Variants in GRK7 observed in about 807,000 individuals in gnomAD.
GRK7 encodes the protein rhodopsin kinase GRK7.
A neutral mutation model predicts 34.1 loss-of-function variants in GRK7; 24 were observed. The observed-to-expected ratio is 0.70, with a 90% CI of 0.51 to 0.99. The LOEUF (loss-of-function observed/expected upper bound fraction) is 0.99, where lower values mean the gene tolerates loss of function less well. Among genes scored for constraint, GRK7 ranks in the 50% least tolerant of loss-of-function variants. The probability of loss-of-function intolerance (pLI) is 0.00; values close to 1 mark genes in which losing one functional copy is unlikely to be tolerated. For synonymous variants in GRK7, 256 were observed against 279.4 expected (o/e 0.92, Z 0.84); for missense variants, 644 against 707.3 (o/e 0.91, Z 1.02).
At chr3:141,781,421 C>G (rs1454470062) in intron 4 of GRK7, among the ~76,000 whole-genome samples, 1 of 151,654 alleles carries the variant, frequency 6.6e-6, no homozygotes, top group African/African-American at 2.4e-5. Context: ...CCTGTAATCC[C>G]AGCTACTCGG....
Position 141,763,489 on chromosome 3 carries a change from C to T in GRK7, c.-2464C>T, listed in dbSNP as rs1032626410. ...AGATCAGCCCAACCCTCTGCCAGCT[C>T]CACCTTCACAGACGAGGAACCAGGG... On this transcript the variant is annotated 5_prime_UTR_variant, in exon 1 of 6. Transcript: ENST00000682958. 1.3e-5 allele frequency among the ~76,000 whole-genome samples: 2 copies of T among 152,204 alleles called. No individual in the cohort carries two copies. Among genetic ancestry groups the T allele is most frequent in the Admixed American group, 1.3e-4 (2 of 15,270 alleles).
At position 141,778,608 on chromosome 3, in the gene GRK7, G is replaced by A; in HGVS notation, c.324G>A (p.Gly108=). 10 of 1,612,464 alleles carry A rather than the reference G, an allele frequency of 6.2e-6. No homozygotes were observed. The highest frequency in any genetic ancestry group is 1.1e-5 in the South Asian group (1 of 90,982). The change falls in exon 3 of 6, where the codon GGG becomes GGA. Residue 108 remains glycine (G), a synonymous_variant. Transcript: ENST00000682958. This position sits in a 1 kb window ranked among gnomAD's most constrained non-coding sequence, Gnocchi z 4.1. ...EGPTKDSALQ[G]LVATCASAPA... ...CCACCAAAGACAGCGCGCTGCAGGG[G>A]CTGGTGGCCACTTGTGCGAGTGCCC...
intron 1 of GRK7, among the ~76,000 whole-genome samples, chr3:141,772,459 C>G (rs2084621190): frequency 6.6e-6 from 1 of 152,190 alleles, no homozygotes; most frequent in South Asian, 2.1e-4. Context: ...AATAGCTTCT[C>G]TGTGTTTCTA....
At chr3:141,762,836 G>A (rs1040240387), upstream of GRK7, among the ~76,000 whole-genome samples, 10 of 152,368 alleles carry the variant, frequency 6.6e-5, no homozygotes, top group South Asian at 1.0e-3. Context: ...GTGGTGTGCC[G>A]TTCTTTAAGC....
chr3:141,797,149 T>C (rs1181067398), intron 4 of GRK7, among the ~76,000 whole-genome samples: 1 of 152,230 alleles, frequency 6.6e-6, no homozygotes, highest in Non-Finnish European at 1.5e-5. Flanking sequence ...ACCCCTCTTT[T>C]GGGCTCCCTG....
chr3:141,811,274 C>T lies in GRK7; in HGVS notation c.1325+3355C>T, dbSNP rs58865187. Among the ~76,000 whole-genome samples the T allele has an allele frequency of 4.3e-3, 645 of 151,670 alleles. 4 individuals carry two copies. Among genetic ancestry groups the T allele is most frequent in the African/African-American group, 0.015 (620 of 41,318 alleles). On this transcript the variant is annotated intron_variant, in intron 5 of 5. Coordinates refer to ENST00000682958, the MANE Select transcript of GRK7 (RefSeq NM_139209.3). Reference sequence around the variant, plus strand: ...CGGAGGTTGAAGTGAGCCAAGATCGCGCCACTGCACTCCAGCCTGGGCAAT... The same window carrying T: ...CGGAGGTTGAAGTGAGCCAAGATCGTGCCACTGCACTCCAGCCTGGGCAAT...
intron 4 of GRK7, among the ~76,000 whole-genome samples, chr3:141,792,723 C>G (rs753626391): frequency 1.3e-5 from 2 of 152,182 alleles, no homozygotes; most frequent in Non-Finnish European, 2.9e-5. Context: ...TTCTGGCATA[C>G]AACTCCAAAT....
At chr3:141,755,526 G>T in the GRK7 span, among the ~76,000 whole-genome samples, 1 of 152,312 alleles carries the variant, frequency 6.6e-6, no homozygotes, top group East Asian at 1.9e-4. Context: ...TTGGGCAAAA[G>T]AATTGAAAAG....
chr3:141,796,070 T>C (rs1051329848), intron 4 of GRK7, among the ~76,000 whole-genome samples: 1 of 152,182 alleles, frequency 6.6e-6, no homozygotes, highest in Non-Finnish European at 1.5e-5. Context: ...TGATGAAATA[T>C]AGTCCTGCAG....
At chr3:141,787,032 C>T (rs975774445) in intron 4 of GRK7, among the ~76,000 whole-genome samples, 26 of 152,130 alleles carry the variant, frequency 1.7e-4, no homozygotes, top group Admixed American at 1.3e-4. Flanking sequence ...CAGGGGCCTC[C>T]TTTCTACAGC....
intron 5 of GRK7, among the ~76,000 whole-genome samples, chr3:141,808,730 G>GT (rs1432051875): frequency 6.6e-6 from 1 of 151,638 alleles, no homozygotes; most frequent in Non-Finnish European, 1.5e-5. Context: ...AAGAAAGAAA[G>GT]TAAGTAGAAC....
At position 141,816,756 on chromosome 3, in the gene GRK7, G is replaced by A. The variant is rs762291728; in HGVS notation, c.1368G>A (p.Thr456=). ...DDPRKHHFFK[T]INFPRLEAGL... ...CCAGGAAACATCATTTCTTTAAAACGATCAACTTTCCTCGCCTGGAAGCTG... is the reference window on the plus strand; with the variant it reads ...CCAGGAAACATCATTTCTTTAAAACAATCAACTTTCCTCGCCTGGAAGCTG... Residue 456 remains threonine (T), a synonymous_variant, in exon 6 of 6, where the codon ACG becomes ACA. Coordinates refer to ENST00000682958, the MANE Select transcript of GRK7 (RefSeq NM_139209.3). 28 of 1,557,656 alleles carry A rather than the reference G, an allele frequency of 1.8e-5. No homozygotes were observed. Among genetic ancestry groups the A allele is most frequent in the East Asian group, 9.0e-5 (4 of 44,370 alleles).
chr3:141,774,548 C>T (rs995650490), intron 1 of GRK7, among the ~76,000 whole-genome samples, 32 bp from the exon 2 acceptor site: 9 of 152,116 alleles, frequency 5.9e-5, no homozygotes, highest in Non-Finnish European at 1.3e-4. Flanking sequence ...GCTTAAATAT[C>T]TCTGTGATAT....
At chr3:141,801,030 G>C (rs940633727) in intron 4 of GRK7, among the ~76,000 whole-genome samples, 2 of 152,122 alleles carry the variant, frequency 1.3e-5, no homozygotes, top group Non-Finnish European at 2.9e-5. Flanking sequence ...AAATGCATGG[G>C]CCGGGTGCAG....
In GRK7 at chr3:141,780,522, T is replaced by G; in HGVS notation, c.761T>G (p.Leu254Arg). The change falls in exon 4 of 6, where the codon CTG becomes CGG. Residue 254 changes from leucine to arginine, a missense_variant. Transcript: ENST00000682958. ...GTCAGCAGCCCTTTCATTGTCTCTCTGGCCTATGCCTTTGAGAGCAAGACC... is the reference window on the plus strand; with the variant it reads ...GTCAGCAGCCCTTTCATTGTCTCTCGGGCCTATGCCTTTGAGAGCAAGACC... The part of the protein sequence containing the change: ...EKVSSPFIVS[L>R]AYAFESKTHL... 1 of 1,614,266 alleles carries G rather than the reference T, an allele frequency of 6.2e-7. No homozygotes were observed. Among genetic ancestry groups the G allele is most frequent in the Non-Finnish European group, 8.5e-7 (1 of 1,180,050 alleles).
At chr3:141,790,989 G>A (rs2084721502) in intron 4 of GRK7, among the ~76,000 whole-genome samples, 1 of 152,208 alleles carries the variant, frequency 6.6e-6, no homozygotes, top group East Asian at 1.9e-4. Flanking sequence ...GAATATTGGG[G>A]AGTGAGGATC....
chr3:141,753,673 A>G, the GRK7 span, among the ~76,000 whole-genome samples: 1 of 152,216 alleles, frequency 6.6e-6, no homozygotes, highest in African/African-American at 2.4e-5. Flanking sequence ...GTACTAGTCC[A>G]TGGCCCAGGC....
chr3:141,770,117 G>A (rs528173765), intron 1 of GRK7, among the ~76,000 whole-genome samples: 9 of 152,256 alleles, frequency 5.9e-5, no homozygotes, highest in Admixed American at 2.0e-4. Context: ...GTTTCACCAC[G>A]TTGGCCAGGC....
chr3:141,800,228 C>T (rs988296446), intron 4 of GRK7, among the ~76,000 whole-genome samples: 1 of 152,000 alleles, frequency 6.6e-6, no homozygotes. Flanking sequence ...CAAATGAGAG[C>T]AAGCAGGCTG....
Sources: gnomAD v4.1 joint callset for allele counts (sites outside exome capture counted in the v4.1 genomes callset) on GRCh38, gnomAD v4.1.1 for gene constraint, Gnocchi (gnomAD v3.1) non-coding constraint, MANE v1.5 for transcripts, NCBI Gene and HGNC (gene_info 2026-07-23, HGNC 2026-07-21) for gene names.